ARMC2: variants seen among roughly 807,000 people sequenced by gnomAD.
ARMC2 encodes the protein armadillo repeat containing 2.
In ARMC2, 67 loss-of-function variants were observed where a neutral mutation model predicts 90.3. That is an observed-to-expected ratio of 0.74 (90% confidence interval 0.61 to 0.91). ARMC2 has a LOEUF of 0.91. Among genes scored for constraint, ARMC2 ranks in the 40% least tolerant of loss-of-function variants. ARMC2 has a pLI of 0.00. For synonymous variants in ARMC2, 393 were observed against 393.0 expected (o/e 1.00, Z 0.00); for missense variants, 920 against 1,030.9 (o/e 0.89, Z 1.47).
chr6:108,851,315 C>T (rs1466559979), intron 1 of ARMC2, among the ~76,000 whole-genome samples: 4 of 152,220 alleles, frequency 2.6e-5, no homozygotes, highest in Non-Finnish European at 4.4e-5. Flanking sequence ...ACCACCTCTT[C>T]CAGGAAGTCT....
rs756403058 is a variant in ARMC2, at chr6:108,894,458, T to G, written c.672-9T>G. The G allele has an allele frequency of 2.5e-6, 4 of 1,605,352 alleles. No individual in the cohort carries two copies. The East Asian group carries it at 6.7e-5, about 27-fold the overall frequency. On this transcript the variant is annotated splice_polypyrimidine_tract_variant and intron_variant, in intron 5 of 17. Transcript: ENST00000392644. ...TGTTTGCGCTGAGTGTTTTATGTAT[T>G]CCTCCTAGGGACCAGGGGAAGAGAC...
At chr6:108,890,155 A>G (rs915382648) in intron 5 of ARMC2, among the ~76,000 whole-genome samples, 3 of 130,632 alleles carry the variant, frequency 2.3e-5, no homozygotes, top group African/African-American at 9.1e-5. Flanking sequence ...CCGCCACTGC[A>G]CTCCAGCCTG....
intron 12 of ARMC2, among the ~76,000 whole-genome samples, chr6:108,942,689 A>G (rs758163033): frequency 2.6e-5 from 4 of 152,156 alleles, no homozygotes; most frequent in Non-Finnish European, 4.4e-5. Flanking sequence ...GTAGTCTCTT[A>G]ATATACACAG....
At chr6:108,937,645 C>T (rs189664164) in intron 12 of ARMC2, among the ~76,000 whole-genome samples, 126 of 152,246 alleles carry the variant, frequency 8.3e-4, no homozygotes, top group Middle Eastern at 3.4e-3. Flanking sequence ...AACTTACAAA[C>T]GATTTCTCAT....
chr6:108,891,292 G>C (rs1771001749), intron 5 of ARMC2, among the ~76,000 whole-genome samples: 1 of 152,162 alleles, frequency 6.6e-6, no homozygotes, highest in South Asian at 2.1e-4. Context: ...GGGTCAAATG[G>C]TATTTCTGGT....
At chr6:108,885,569 G>A (rs1778004713) in intron 5 of ARMC2, among the ~76,000 whole-genome samples, 1 of 151,738 alleles carries the variant, frequency 6.6e-6, no homozygotes, top group South Asian at 2.1e-4. Flanking sequence ...GGCTACTTGG[G>A]AGGCTGGGGC....
intron 12 of ARMC2, among the ~76,000 whole-genome samples, chr6:108,951,699 C>T (rs138016202): frequency 1.8e-3 from 270 of 152,330 alleles, no homozygotes; most frequent in Middle Eastern, 3.4e-3. Flanking sequence ...TGGCCACACC[C>T]GACGCCCCTC....
rs779386235 is a variant in ARMC2 at position 108,953,322 on chromosome 6, G to T, written c.1886G>T (p.Gly629Val). 1.2e-6 allele frequency: 2 copies of T among 1,607,966 alleles called. No individual in the cohort carries two copies. The highest frequency in any genetic ancestry group is 2.2e-5 in the South Asian group (2 of 90,994). Residue 629 changes from glycine (G) to valine (V), a missense_variant, in exon 13 of 18, where the codon GGG becomes GTG. By Grantham distance (109) the Gly-to-Val change is moderately radical (BLOSUM62 -3). Coordinates refer to ENST00000392644, the MANE Select transcript of ARMC2 (RefSeq NM_032131.6). ...GVGPVLAANP[G>V]IVGLLLTTLE... Reference sequence around the variant, plus strand: ...GGCCCGGTGCTGGCCGCCAACCCGGGGATAGTGGGCCTGCTCCTGACCACG... The same window carrying T: ...GGCCCGGTGCTGGCCGCCAACCCGGTGATAGTGGGCCTGCTCCTGACCACG...
chr6:108,927,718 A>G (rs1775219001), intron 10 of ARMC2, among the ~76,000 whole-genome samples: 2 of 151,866 alleles, frequency 1.3e-5, no homozygotes, highest in African/African-American at 4.8e-5. Context: ...TTAAAAAAAA[A>G]AAAGAAAGAA....
At chr6:108,953,389 C>T (rs1310723118) in intron 13 of ARMC2, 38 bp downstream of exon 13, 1 of 1,549,860 alleles carries the variant, frequency 6.5e-7, no homozygotes, top group Non-Finnish European at 8.7e-7. Context: ...CAGACACAAC[C>T]AACTTTCCCG....
chr6:108,954,043 G>A (rs768949321), intron 13 of ARMC2, among the ~76,000 whole-genome samples: 4 of 152,148 alleles, frequency 2.6e-5, no homozygotes, highest in Non-Finnish European at 4.4e-5. Flanking sequence ...CTTGGTGCAA[G>A]CACTTGTGGG....
chr6:108,889,861 T>C (rs1360051026), intron 5 of ARMC2, among the ~76,000 whole-genome samples: 1 of 151,800 alleles, frequency 6.6e-6, no homozygotes, highest in Non-Finnish European at 1.5e-5. Context: ...TCTAGTACTT[T>C]ATTAACAACT....
chr6:108,862,359 C>CAAAAAA (rs796750309), intron 3 of ARMC2, among the ~76,000 whole-genome samples: 1 of 63,200 alleles, frequency 1.6e-5, no homozygotes, highest in Non-Finnish European at 3.1e-5. Context: ...AAAAAAAAAA[C>CAAAAAA]AAAAAAAACA....
At chr6:108,903,594 C>G (rs1173581723) in intron 7 of ARMC2, among the ~76,000 whole-genome samples, 1 of 152,136 alleles carries the variant, frequency 6.6e-6, no homozygotes, top group Non-Finnish European at 1.5e-5. Flanking sequence ...ATACAATATT[C>G]TCACTGTACC....
downstream of ARMC2, among the ~76,000 whole-genome samples, chr6:108,978,591 G>A (rs540479541): frequency 1.9e-4 from 29 of 152,274 alleles, no homozygotes; most frequent in Non-Finnish European, 3.4e-4. Flanking sequence ...TACTGAAAGT[G>A]GGGTGTTAAA....
chr6:108,873,354 G>A (rs1582976120), intron 4 of ARMC2, among the ~76,000 whole-genome samples: 1 of 152,152 alleles, frequency 6.6e-6, no homozygotes, highest in Admixed American at 6.5e-5. Flanking sequence ...GGGGTGGCGG[G>A]GGATGACATC....
At chr6:108,910,775 C>A in intron 8 of ARMC2, 124 bp from the exon 9 acceptor site, 1 of 428,022 alleles carries the variant, frequency 2.3e-6, no homozygotes, top group Admixed American at 7.3e-5. Flanking sequence ...AAGTTGATTT[C>A]TTTAGAACTT....
intron 4 of ARMC2, among the ~76,000 whole-genome samples, 175 bp from the exon 5 acceptor site, chr6:108,875,968 A>G (rs1251412392): frequency 1.3e-5 from 2 of 152,234 alleles, no homozygotes; most frequent in African/African-American, 2.4e-5. Flanking sequence ...GCCAGACTTA[A>G]GATACTGGTC....
intron 13 of ARMC2, among the ~76,000 whole-genome samples, chr6:108,960,223 G>A (rs1055575688): frequency 5.3e-5 from 8 of 152,138 alleles, no homozygotes; most frequent in East Asian, 1.9e-4. Flanking sequence ...GGGACACCCC[G>A]GGTGATTCCT....
Sources: allele counts gnomAD v4.1 joint callset (sites outside exome capture counted in the v4.1 genomes callset), GRCh38; gene constraint gnomAD v4.1.1; transcripts MANE v1.5; gene names NCBI Gene and HGNC (gene_info 2026-07-23, HGNC 2026-07-21).